The following PDE1A variants were observed in gnomAD, a reference collection of about 807,000 sequenced individuals.
PDE1A encodes the protein dual specificity calcium/calmodulin-dependent 3',5'-cyclic nucleotide phosphodiesterase 1A.
A neutral mutation model predicts 61.7 loss-of-function variants in PDE1A; 35 were observed. The observed-to-expected ratio is 0.57, with a 90% CI of 0.43 to 0.75. PDE1A has a LOEUF of 0.75. Among genes scored for constraint, PDE1A ranks in the 30% least tolerant of loss-of-function variants. The probability of loss-of-function intolerance (pLI) is 0.00; values close to 1 mark genes in which losing one functional copy is unlikely to be tolerated. For synonymous variants in PDE1A, 232 were observed against 213.2 expected, an observed-to-expected ratio of 1.09 and a Z score of -0.77; for missense variants, 597 against 630.6, an observed-to-expected ratio of 0.95 and a Z score of 0.57.
intron 1 of PDE1A, among the ~76,000 whole-genome samples, chr2:182,404,323 G>C (rs188698203): frequency 2.4e-4 from 37 of 152,254 alleles, no homozygotes; most frequent in Admixed American, 8.5e-4. Flanking sequence ...CTCATTCTTT[G>C]GCTCTCAAAA....
chr2:182,282,727 A>T (rs1268019144), intron 1 of PDE1A, among the ~76,000 whole-genome samples: 1 of 152,022 alleles, frequency 6.6e-6, no homozygotes, highest in Non-Finnish European at 1.5e-5. Context: ...CAATTTATAA[A>T]TGATTGACCC....
At chr2:182,398,668 A>G (rs1037878546) in intron 1 of PDE1A, among the ~76,000 whole-genome samples, 2 of 152,060 alleles carry the variant, frequency 1.3e-5, no homozygotes, top group Non-Finnish European at 2.9e-5. Flanking sequence ...ACTGACCACA[A>G]GTGACTACTT....
the PDE1A span, among the ~76,000 whole-genome samples, chr2:182,568,039 T>G: frequency 5.3e-4 from 80 of 152,184 alleles, 1 homozygote; most frequent in African/African-American, 1.9e-3. Flanking sequence ...GACCTCATGA[T>G]TCACCTGCCT....
At chr2:182,247,027 T>C (rs1691023626) in intron 2 of PDE1A, among the ~76,000 whole-genome samples, 1 of 152,244 alleles carries the variant, frequency 6.6e-6, no homozygotes, top group African/African-American at 2.4e-5. Context: ...TGTATACTCC[T>C]GTGCAATTTG....
In PDE1A at chr2:182,201,756, TA is replaced by T. The variant is rs764796416; in HGVS notation, c.935del (p.Leu312TyrfsTer15). ...GGAAGTGACCTGACATGTCTGTAGA[TA>T]AAACCATTTCAATCACTAGGTTCCG... On this transcript the variant is annotated frameshift_variant, in exon 9 of 14. Transcript: ENST00000351439. LOFTEE classifies it high-confidence loss of function. The T allele has an allele frequency of 1.2e-6, 2 of 1,610,216 alleles. No individual in the cohort carries two copies. Among genetic ancestry groups the T allele is most frequent in the Non-Finnish European group, 8.5e-7 (1 of 1,178,916 alleles).
At chr2:182,450,617 A>G (rs1685447329) in intron 2 of PDE1A, among the ~76,000 whole-genome samples, 1 of 151,632 alleles carries the variant, frequency 6.6e-6, no homozygotes, top group Admixed American at 6.6e-5. Context: ...TTAAATAAAG[A>G]CTGGTTAAGA....
chr2:182,539,370 C>T, the PDE1A span, among the ~76,000 whole-genome samples: 1 of 152,112 alleles, frequency 6.6e-6, no homozygotes, highest in Non-Finnish European at 1.5e-5. Context: ...AAGTGGTGGG[C>T]TTGCATTATT....
At chr2:182,324,941 A>T (rs1028458885) in intron 1 of PDE1A, among the ~76,000 whole-genome samples, 7 of 152,210 alleles carry the variant, frequency 4.6e-5, no homozygotes, top group East Asian at 1.9e-4. Context: ...TGAGGTAGAC[A>T]CTATTACTCC....
At chr2:182,527,303 T>TTAA (rs1690785942), upstream of PDE1A, among the ~76,000 whole-genome samples, 2 of 22,842 alleles carry the variant, frequency 8.8e-5, no homozygotes, top group African/African-American at 4.0e-4. Flanking sequence ...CCTTTCTCTA[T>TTAA]AAAAAAAAAA....
intron 2 of PDE1A, among the ~76,000 whole-genome samples, chr2:182,456,098 A>G (rs1330796804): frequency 2.0e-5 from 3 of 152,118 alleles, no homozygotes; most frequent in African/African-American, 7.2e-5. Context: ...CTCAATGTGG[A>G]TGTAAAATGC....
chr2:182,551,814 T>G, the PDE1A span, among the ~76,000 whole-genome samples: 3 of 152,204 alleles, frequency 2.0e-5, no homozygotes, highest in African/African-American at 4.8e-5. Context: ...AACTCACTCT[T>G]GACCCCTGCT....
chr2:182,512,444 AG>A (rs1689863222), intron 2 of PDE1A, among the ~76,000 whole-genome samples: 1 of 152,228 alleles, frequency 6.6e-6, no homozygotes, highest in African/African-American at 2.4e-5. Context: ...AAAAGCAAAA[AG>A]CCCCATCCAA....
At chr2:182,710,587 A>T in the PDE1A span, among the ~76,000 whole-genome samples, 281 of 152,320 alleles carry the variant, frequency 1.8e-3, no homozygotes, top group Non-Finnish European at 3.3e-3. Flanking sequence ...TTCTACAGAT[A>T]AGTAAGATTA....
intron 2 of PDE1A, among the ~76,000 whole-genome samples, chr2:182,452,857 C>T (rs573559862): frequency 5.6e-4 from 85 of 152,234 alleles, no homozygotes; most frequent in Non-Finnish European, 9.9e-4. Flanking sequence ...AACTTTCCTG[C>T]CCTTACCTTT....
the PDE1A span, among the ~76,000 whole-genome samples, chr2:182,547,159 C>G: frequency 6.6e-6 from 1 of 152,272 alleles, no homozygotes; most frequent in African/African-American, 2.4e-5. Flanking sequence ...TCATTAACAG[C>G]CCTAGTTAAT....
intron 13 of PDE1A, among the ~76,000 whole-genome samples, chr2:182,153,532 G>A (rs1690907706): frequency 6.6e-6 from 1 of 152,192 alleles, no homozygotes. Context: ...ATTATTCCTA[G>A]AAGGGAACTT....
chr2:182,675,046 T>C, the PDE1A span, among the ~76,000 whole-genome samples: 2 of 152,142 alleles, frequency 1.3e-5, no homozygotes, highest in African/African-American at 4.8e-5. Flanking sequence ...CAGATTATTT[T>C]GTCACCCAGC....
rs759557528 is a variant in PDE1A at position 182,185,501 on chromosome 2, T to C, written c.1516+391A>G. 6.0e-4 allele frequency among the ~76,000 whole-genome samples: 91 copies of C among 152,188 alleles called. 1 individual carries two copies. Among genetic ancestry groups the C allele is most frequent in the Non-Finnish European group, 2.5e-4 (17 of 68,012 alleles). On this transcript the variant is annotated intron_variant, in intron 13 of 13. Coordinates refer to ENST00000351439, the Ensembl canonical transcript of PDE1A. ...AACAGAAAAAAAACACACCCAAGTC[T>C]CTGACATGAAGTGATAACACACTTA...
intron 1 of PDE1A, among the ~76,000 whole-genome samples, chr2:182,276,797 G>C (rs1287558141): frequency 1.3e-5 from 2 of 151,952 alleles, no homozygotes; most frequent in African/African-American, 2.4e-5. Context: ...TAATAATTAA[G>C]ACCCTGGGAA....
Sources: allele counts gnomAD v4.1 joint callset (sites outside exome capture counted in the v4.1 genomes callset), GRCh38; gene constraint gnomAD v4.1.1; transcripts MANE v1.5; gene names NCBI Gene and HGNC (gene_info 2026-07-23, HGNC 2026-07-21).